The following IQCJ variants were observed in gnomAD, a reference collection of about 807,000 sequenced individuals.
The protein encoded by IQCJ is IQ domain-containing protein J.
In IQCJ, 9 loss-of-function variants were observed where a neutral mutation model predicts 11.0. That is an observed-to-expected ratio of 0.82 (90% CI 0.49 to 1.43). The LOEUF (loss-of-function observed/expected upper bound fraction) is 1.43, where lower values mean the gene tolerates loss of function less well. Among genes scored for constraint, IQCJ ranks in the 40% most tolerant of loss-of-function variants. IQCJ has a pLI of 0.00. For synonymous variants in IQCJ, 55 were observed against 51.3 expected, an observed-to-expected ratio of 1.07 and a Z score of -0.31; for missense variants, 146 against 133.2, an observed-to-expected ratio of 1.10 and a Z score of -0.47.
chr3:159,172,603 A>C (rs1312123051), intron 1 of IQCJ, among the ~76,000 whole-genome samples: 1 of 152,122 alleles, frequency 6.6e-6, no homozygotes, highest in East Asian at 1.9e-4. Context: ...ATTCATAAGA[A>C]TCCTGCATTT....
In IQCJ at chr3:159,219,726, G is replaced by A. The variant is rs1725430191; in HGVS notation, c.10-26117G>A. On this transcript the variant is annotated intron_variant, in intron 1 of 3. Coordinates refer to ENST00000397832, the MANE Select transcript of IQCJ (RefSeq NM_001042706.3). ...ACTTGCGGGCCTGTCTTAACAATAT[G>A]GAGGGGCTAGTCTCATTGGGAGATA... Among the ~76,000 whole-genome samples the A allele has an allele frequency of 3.9e-5, 6 of 152,232 alleles. 1 individual carries two copies. In the South Asian group the frequency reaches 1.2e-3, roughly 32 times the overall value.
intron 1 of IQCJ, among the ~76,000 whole-genome samples, chr3:159,082,383 A>T (rs961676493): frequency 6.6e-6 from 1 of 151,990 alleles, no homozygotes; most frequent in East Asian, 1.9e-4. Flanking sequence ...TTACAGATGA[A>T]AAAACAGAGG....
intron 1 of IQCJ, among the ~76,000 whole-genome samples, chr3:159,242,416 C>G (rs1726979418): frequency 6.6e-6 from 1 of 152,118 alleles, no homozygotes; most frequent in African/African-American, 2.4e-5. Flanking sequence ...TCATCAGGGT[C>G]CCAGGTACCT....
chr3:159,086,330 T>A (rs1004226340), intron 1 of IQCJ, among the ~76,000 whole-genome samples: 3 of 152,228 alleles, frequency 2.0e-5, no homozygotes, highest in Non-Finnish European at 4.4e-5. Flanking sequence ...CCTTGTAGTA[T>A]AGTTTGAAGT....
intron 1 of IQCJ, among the ~76,000 whole-genome samples, chr3:159,172,507 A>G (rs1332938995): frequency 6.6e-6 from 1 of 152,132 alleles, no homozygotes; most frequent in African/African-American, 2.4e-5. Context: ...CATATATGAT[A>G]TATAACATAT....
chr3:159,198,138 C>T (rs1056841156), intron 1 of IQCJ, among the ~76,000 whole-genome samples: 45 of 152,098 alleles, frequency 3.0e-4, no homozygotes, highest in Admixed American at 4.6e-4. Flanking sequence ...TCCTATTAAA[C>T]AAAGAATGTG....
At chr3:159,178,434 C>T in intron 1 of IQCJ, among the ~76,000 whole-genome samples, 1 of 152,182 alleles carries the variant, frequency 6.6e-6, no homozygotes. Flanking sequence ...CTTCGATCAG[C>T]CCAGAAGTCA....
intron 1 of IQCJ, among the ~76,000 whole-genome samples, chr3:159,202,325 A>G (rs1724398743): frequency 6.6e-6 from 1 of 152,226 alleles, no homozygotes; most frequent in Admixed American, 6.5e-5. Flanking sequence ...TTGGTGAATC[A>G]GCATCATTTT....
At chr3:159,244,141 C>T (rs997437874) in intron 1 of IQCJ, among the ~76,000 whole-genome samples, 2 of 152,112 alleles carry the variant, frequency 1.3e-5, no homozygotes, top group Non-Finnish European at 2.9e-5. Flanking sequence ...CAGACATGTA[C>T]ATGGAACTGT....
At chr3:159,264,842 A>G (rs865854364), downstream of IQCJ, among the ~76,000 whole-genome samples, 2 of 151,820 alleles carry the variant, frequency 1.3e-5, no homozygotes, top group Non-Finnish European at 2.9e-5. Context: ...CTTGAAACCC[A>G]GGAGGCAGAG....
chr3:159,226,893 T>A (rs1725888063), intron 1 of IQCJ, among the ~76,000 whole-genome samples: 1 of 152,172 alleles, frequency 6.6e-6, no homozygotes, highest in Admixed American at 6.5e-5. Context: ...TATGTAAGTG[T>A]TTTATGTTGG....
chr3:159,155,709 T>A (rs1721479559), intron 1 of IQCJ, among the ~76,000 whole-genome samples: 1 of 152,336 alleles, frequency 6.6e-6, no homozygotes, highest in Admixed American at 6.5e-5. Context: ...AGTATGCCAA[T>A]TTCAATTAGC....
chr3:159,119,845 C>T (rs1345313835), intron 1 of IQCJ, among the ~76,000 whole-genome samples: 1 of 152,188 alleles, frequency 6.6e-6, no homozygotes. Context: ...TCCCCACCTT[C>T]ATTGACCAGA....
chr3:159,245,806 G>T, intron 1 of IQCJ, 37 bp from the exon 2 acceptor site: 1 of 1,496,050 alleles, frequency 6.7e-7, no homozygotes, highest in Non-Finnish European at 9.1e-7. Flanking sequence ...GAAGTAGCTG[G>T]TGACAATTTG....
intron 1 of IQCJ, among the ~76,000 whole-genome samples, chr3:159,210,532 T>C (rs1724896001): frequency 6.6e-6 from 1 of 152,220 alleles, no homozygotes; most frequent in Non-Finnish European, 1.5e-5. Context: ...CTCTGACTCC[T>C]GTGGTACTCA....
intron 1 of IQCJ, among the ~76,000 whole-genome samples, chr3:159,082,492 G>C (rs1447227828): frequency 6.6e-6 from 1 of 151,564 alleles, no homozygotes; most frequent in Non-Finnish European, 1.5e-5. Flanking sequence ...AAAGATATGT[G>C]AAAAAGGTGA....
intron 1 of IQCJ, among the ~76,000 whole-genome samples, chr3:159,205,735 G>C (rs997007998): frequency 6.6e-6 from 1 of 152,104 alleles, no homozygotes. Context: ...TATGTGGAGG[G>C]GTTTGCTTCA....
At chr3:159,156,301 A>G (rs1270805927) in intron 1 of IQCJ, among the ~76,000 whole-genome samples, 1 of 152,222 alleles carries the variant, frequency 6.6e-6, no homozygotes, top group Non-Finnish European at 1.5e-5. Flanking sequence ...TACAGTGTGA[A>G]GAAGCAAGAG....
At chr3:159,076,746 T>C (rs1283001577) in intron 1 of IQCJ, among the ~76,000 whole-genome samples, 1 of 152,068 alleles carries the variant, frequency 6.6e-6, no homozygotes, top group African/African-American at 2.4e-5. Flanking sequence ...AGCATATCAT[T>C]AGGAGCACAG....
Sources: allele counts gnomAD v4.1 joint callset (sites outside exome capture counted in the v4.1 genomes callset), GRCh38; gene constraint gnomAD v4.1.1; transcripts MANE v1.5; gene names NCBI Gene and HGNC (gene_info 2026-07-23, HGNC 2026-07-21).